FAM219A: variants seen among roughly 807,000 people sequenced by gnomAD.
FAM219A encodes family with sequence similarity 219 member A.
A neutral mutation model predicts 23.4 loss-of-function variants in FAM219A; 7 were observed. The observed-to-expected ratio is 0.30, with a 90% CI of 0.17 to 0.56. The LOEUF is 0.56. FAM219A is among the 20% of genes least tolerant of loss of function. The probability of loss-of-function intolerance (pLI) is 0.92; values close to 1 mark genes in which losing one functional copy is unlikely to be tolerated. For synonymous variants in FAM219A, 93 were observed against 99.0 expected (o/e 0.94, Z 0.36); for missense variants, 166 against 246.9 (o/e 0.67, Z 2.20).
chr9:34,423,740 T>C (rs1189714329), intron 1 of FAM219A, among the ~76,000 whole-genome samples: 2 of 152,058 alleles, frequency 1.3e-5, no homozygotes, highest in African/African-American at 4.8e-5. Flanking sequence ...GTGACAAAGC[T>C]TGAAAAAGTC....
intron 1 of FAM219A, among the ~76,000 whole-genome samples, chr9:34,436,285 A>T (rs1191294282): frequency 6.6e-6 from 1 of 151,552 alleles, no homozygotes; most frequent in African/African-American, 2.4e-5. Context: ...TCACTCTGTC[A>T]CTCAAGCTGG....
intron 1 of FAM219A, among the ~76,000 whole-genome samples, chr9:34,445,796 A>G (rs760483489): frequency 1.3e-5 from 2 of 152,232 alleles, no homozygotes; most frequent in African/African-American, 4.8e-5. Flanking sequence ...TTGCAGATCT[A>G]TAAAGTGGGC....
At chr9:34,435,685 T>G (rs1462175455) in intron 1 of FAM219A, among the ~76,000 whole-genome samples, 2 of 152,256 alleles carry the variant, frequency 1.3e-5, no homozygotes, top group Admixed American at 1.3e-4. Context: ...GCATCTATCA[T>G]GAATATCTTT....
intron 1 of FAM219A, among the ~76,000 whole-genome samples, chr9:34,418,940 T>G (rs550592963): frequency 3.5e-4 from 53 of 152,010 alleles, no homozygotes; most frequent in African/African-American, 1.3e-3. Context: ...CCAGGTGTAG[T>G]GTTGCACACC....
chr9:34,437,110 C>G (rs1822949761), intron 1 of FAM219A, among the ~76,000 whole-genome samples: 1 of 152,136 alleles, frequency 6.6e-6, no homozygotes, highest in Non-Finnish European at 1.5e-5. Flanking sequence ...TTTGCACTTC[C>G]CAGGAAAGCC....
At chr9:34,407,373 TTTTAAATG>T (rs1821676036) in intron 1 of FAM219A, among the ~76,000 whole-genome samples, 1 of 152,240 alleles carries the variant, frequency 6.6e-6, no homozygotes, top group Non-Finnish European at 1.5e-5. Context: ...AATCTTTTGA[TTTTAAATG>T]TTTAAAAATG....
At chr9:34,408,343 T>C (rs1821714158) in intron 1 of FAM219A, among the ~76,000 whole-genome samples, 1 of 151,188 alleles carries the variant, frequency 6.6e-6, no homozygotes, top group Non-Finnish European at 1.5e-5. Context: ...TCTCAGCAGC[T>C]GCTACCTGCA....
chr9:34,428,844 C>T (rs1266355352), intron 1 of FAM219A, among the ~76,000 whole-genome samples: 2 of 152,220 alleles, frequency 1.3e-5, no homozygotes, highest in African/African-American at 4.8e-5. Flanking sequence ...TTAAAAGAGC[C>T]TGTGCTTAAA....
Position 34,434,605 on chromosome 9 carries a change from A to G in FAM219A, c.60+23599T>C, listed in dbSNP as rs200411713. On this transcript the variant is annotated intron_variant, in intron 1 of 5. Transcript: ENST00000651358. ...TGGCCATACAGAAAACGATAACACAACAAGAGACAACACTAATGGGAGGAA... is the reference window on the plus strand; with the variant it reads ...TGGCCATACAGAAAACGATAACACAGCAAGAGACAACACTAATGGGAGGAA... 5.9e-5 allele frequency among the ~76,000 whole-genome samples: 9 copies of G among 152,158 alleles called. No homozygotes were observed. The East Asian group carries it at 1.7e-3, about 29-fold the overall frequency.
At chr9:34,421,045 A>AGAGAGAGAGAGAGAGAGAC (rs68047702) in intron 1 of FAM219A, among the ~76,000 whole-genome samples, 2 of 117,226 alleles carry the variant, frequency 1.7e-5, no homozygotes, top group African/African-American at 6.2e-5. Context: ...AGAGAGAGAG[A>AGAGAGAGAGAGAGAGAGAC]ATGGCTCTGC....
intron 1 of FAM219A, among the ~76,000 whole-genome samples, chr9:34,434,860 C>T (rs1228265685): frequency 6.6e-6 from 1 of 152,104 alleles, no homozygotes; most frequent in Non-Finnish European, 1.5e-5. Flanking sequence ...CACTCTGTCA[C>T]CCAGACTGGA....
At chr9:34,423,620 C>T (rs1384770156) in intron 1 of FAM219A, among the ~76,000 whole-genome samples, 1 of 152,198 alleles carries the variant, frequency 6.6e-6, no homozygotes. Context: ...GAAGGATTTT[C>T]AGCCCATTGT....
intron 1 of FAM219A, among the ~76,000 whole-genome samples, chr9:34,440,250 A>G (rs2131999914): frequency 6.6e-6 from 1 of 152,272 alleles, no homozygotes; most frequent in South Asian, 2.1e-4. Context: ...ATTGTGTTGG[A>G]CATAATTATC....
chr9:34,398,477 C>A lies in FAM219A; in HGVS notation c.*2487G>T. The A allele has an allele frequency of 8.5e-7, 1 of 1,176,372 alleles. No individual in the cohort carries two copies. The highest frequency in any genetic ancestry group is 1.2e-6 in the Non-Finnish European group (1 of 824,026). 72.9% of individuals were successfully genotyped at this position (1,176,372 alleles called of 1,614,324 possible). On this transcript the variant is annotated 3_prime_UTR_variant, in exon 6 of 6. Coordinates refer to ENST00000651358, the MANE Select transcript of FAM219A (RefSeq NM_001184940.2). ...CAGACAGGGAAGGAGGGAGCCACAC[C>A]CCTCCCTAGACACAGAAGCTGCCAC...
chr9:34,449,042 G>C (rs1823471596), intron 1 of FAM219A, among the ~76,000 whole-genome samples: 1 of 149,430 alleles, frequency 6.7e-6, no homozygotes, highest in Non-Finnish European at 1.5e-5. Context: ...TGGTTTAAAA[G>C]TAAAGTACTA....
At chr9:34,409,453 C>T (rs1049548659) in intron 1 of FAM219A, among the ~76,000 whole-genome samples, 5 of 152,114 alleles carry the variant, frequency 3.3e-5, no homozygotes, top group African/African-American at 1.2e-4. Flanking sequence ...CATCTGAAGG[C>T]GTTAGCTAGA....
chr9:34,453,655 T>C (rs1823638094), intron 1 of FAM219A, among the ~76,000 whole-genome samples: 1 of 152,164 alleles, frequency 6.6e-6, no homozygotes, highest in African/African-American at 2.4e-5. Context: ...GACGCTACAG[T>C]AACATTTCTT....
At chr9:34,446,317 G>A (rs893118024) in intron 1 of FAM219A, among the ~76,000 whole-genome samples, 5 of 152,192 alleles carry the variant, frequency 3.3e-5, no homozygotes, top group Admixed American at 6.5e-5. Flanking sequence ...AGAAAGGGAT[G>A]CATGAAGAAG....
intron 1 of FAM219A, among the ~76,000 whole-genome samples, chr9:34,429,293 G>A (rs1047797633): frequency 6.6e-6 from 1 of 152,216 alleles, no homozygotes; most frequent in African/African-American, 2.4e-5. Context: ...CCTAAAAGAG[G>A]TGAAGAAAAC....
Sources: allele counts gnomAD v4.1 joint callset (sites outside exome capture counted in the v4.1 genomes callset), GRCh38; gene constraint gnomAD v4.1.1; transcripts MANE v1.5; gene names NCBI Gene and HGNC (gene_info 2026-07-23, HGNC 2026-07-21).